ADGRL2: variants seen among roughly 807,000 people sequenced by gnomAD.
ADGRL2 encodes the protein adhesion G protein-coupled receptor L2, also known as calcium-independent alpha-latrotoxin receptor 2.
A neutral mutation model predicts 157.4 loss-of-function variants in ADGRL2; 44 were observed. The ratio of observed to expected loss-of-function variants is 0.28; its 90% CI spans 0.22 to 0.36. ADGRL2 has a LOEUF of 0.36. Among genes scored for constraint, ADGRL2 ranks in the 10% least tolerant of loss-of-function variants. The pLI is 1.00. For missense variants in ADGRL2, 1,510 were observed against 1,768.9 expected, an observed-to-expected ratio of 0.85 and a Z score of 2.63; for synonymous variants, 585 against 624.7, an observed-to-expected ratio of 0.94 and a Z score of 0.95.
chr1:81,594,541 GA>G (rs1342055336), intron 3 of ADGRL2, among the ~76,000 whole-genome samples: 6 of 152,118 alleles, frequency 3.9e-5, no homozygotes, highest in Non-Finnish European at 8.8e-5. Context: ...TTATATTACA[GA>G]ACTTTTCAAC....
At chr1:81,661,819 T>C (rs1243212163) in intron 3 of ADGRL2, among the ~76,000 whole-genome samples, 1 of 152,210 alleles carries the variant, frequency 6.6e-6, no homozygotes, top group Non-Finnish European at 1.5e-5. Context: ...ATTCACCATA[T>C]TCTGGGTGAA....
intron 3 of ADGRL2, 26 bp from the exon 4 acceptor site, chr1:81,936,699 ACAC>A: frequency 8.4e-7 from 1 of 1,191,316 alleles, no homozygotes; most frequent in Admixed American, 1.7e-5. Flanking sequence ...AAATTATGTT[ACAC>A]AAGTTTGATA....
rs181832805 is a variant in ADGRL2, at chr1:81,981,720, A to G, written c.3114-88A>G. ...ATGAATGTGAACATAGAGAAAGTCA[A>G]CTGCTACTACTGATATGTTAACATT... On this transcript the variant is annotated intron_variant, in intron 18 of 23. Coordinates refer to ENST00000686636, the MANE Select transcript of ADGRL2 (RefSeq NM_001366006.2). 2.1e-4 allele frequency: 216 copies of G among 1,027,410 alleles called. 1 individual carries two copies. Among genetic ancestry groups the G allele is most frequent in the Admixed American group, 1.4e-3 (60 of 43,950 alleles). The allele number at this position is 1,027,410 out of a possible 1,614,324, so 63.6% of individuals were successfully genotyped here.
intron 2 of ADGRL2, among the ~76,000 whole-genome samples, chr1:81,891,951 G>A (rs960001354): frequency 2.1e-5 from 3 of 142,784 alleles, no homozygotes; most frequent in African/African-American, 8.0e-5. Context: ...TAATAAGTGT[G>A]GCTAATAAGT....
chr1:81,991,277 A>G lies in ADGRL2; in HGVS notation c.*132A>G. On this transcript the variant is annotated 3_prime_UTR_variant, in exon 24 of 24. Coordinates refer to ENST00000686636, the MANE Select transcript of ADGRL2 (RefSeq NM_001366006.2). ...CCTGTGGTTCTCTGGTGTAAAAAAG[A>G]TGACTGAACCTTGCAGTTCTGTGAA... 2 of 796,752 alleles carry G rather than the reference A, an allele frequency of 2.5e-6. No individual in the cohort carries two copies. Among genetic ancestry groups the G allele is most frequent in the Non-Finnish European group, 3.9e-6 (2 of 508,468 alleles). The allele number at this position is 796,752 out of a possible 1,614,324, so 49.4% of individuals were successfully genotyped here. A position where few individuals can be genotyped will look rare whatever the true frequency, so the allele number is the denominator to read the frequency against.
At position 81,510,661 on chromosome 1, in the gene ADGRL2, C is replaced by T. The variant is rs144380991; in HGVS notation, c.-248+65572C>T. ...ACATAGATTATAGTTACAGTGAAAA[C>T]TGGGAGCTGCTTTTAATCCCCTAGG... On this transcript the variant is annotated intron_variant, in intron 2 of 24. Coordinates refer to the ADGRL2 transcript ENST00000370721. Among the ~76,000 whole-genome samples, 1,240 of 152,196 alleles carry T rather than the reference C, an allele frequency of 8.1e-3. 10 individuals are homozygous for T. Among genetic ancestry groups the T allele is most frequent in the South Asian group, 0.039 (189 of 4,832 alleles).
intron 11 of ADGRL2, among the ~76,000 whole-genome samples, chr1:81,958,938 T>C (rs1274469668): frequency 6.6e-6 from 1 of 152,236 alleles, no homozygotes; most frequent in African/African-American, 2.4e-5. Context: ...GAATATTTTT[T>C]GAAATTTATC....
At position 81,505,586 on chromosome 1, in the gene ADGRL2, G is replaced by A. The variant is rs146102453; in HGVS notation, c.-248+60497G>A. ...TGCCAGCAGGTGCCCCCACGAGTGG[G>A]GCCTTGGCCCAAGCAGAGCTTCCCC... is the stretch of plus-strand genomic sequence containing the variant. On this transcript the variant is annotated intron_variant, in intron 2 of 24. Transcript: ENST00000370721. Among the ~76,000 whole-genome samples, 1,428 of 150,386 alleles carry A rather than the reference G, an allele frequency of 9.5e-3. 12 individuals are homozygous for A. Among genetic ancestry groups the A allele is most frequent in the African/African-American group, 0.022 (903 of 40,324 alleles).
intron 2 of ADGRL2, among the ~76,000 whole-genome samples, chr1:81,542,537 T>G (rs2079909898): frequency 6.6e-6 from 1 of 152,192 alleles, no homozygotes; most frequent in African/African-American, 2.4e-5. Flanking sequence ...AGCACCCACC[T>G]TTCAAACCTG....
At chr1:81,452,514 A>C (rs962569218) in intron 2 of ADGRL2, among the ~76,000 whole-genome samples, 3 of 152,194 alleles carry the variant, frequency 2.0e-5, no homozygotes, top group Non-Finnish European at 2.9e-5. Context: ...ATCATTCAAC[A>C]TATGAAAACC....
chr1:81,884,274 C>G (rs781023203), intron 2 of ADGRL2, among the ~76,000 whole-genome samples: 4 of 152,162 alleles, frequency 2.6e-5, no homozygotes, highest in Non-Finnish European at 5.9e-5. Context: ...CGCGCCCATC[C>G]CAAACTGCCT....
At chr1:81,775,316 T>C (rs1008255477) in intron 2 of ADGRL2, among the ~76,000 whole-genome samples, 1 of 152,166 alleles carries the variant, frequency 6.6e-6, no homozygotes, top group Non-Finnish European at 1.5e-5. Flanking sequence ...GAAAGCATGA[T>C]CCTAGAAAAG....
chr1:81,960,088 C>G (rs1654851724), intron 11 of ADGRL2, among the ~76,000 whole-genome samples: 1 of 152,132 alleles, frequency 6.6e-6, no homozygotes, highest in African/African-American at 2.4e-5. Flanking sequence ...GCATGAACCA[C>G]CATTCCTGGC....
At chr1:81,950,108 A>G (rs1248807246) in intron 6 of ADGRL2, 81 bp from the exon 7 acceptor site, 10 of 1,085,106 alleles carry the variant, frequency 9.2e-6, no homozygotes, top group African/African-American at 7.8e-5. Context: ...GTGTGTGTGC[A>G]TGCACACATT....
chr1:81,714,851 G>GTT (rs35230661), intron 1 of ADGRL2, among the ~76,000 whole-genome samples: 11 of 145,282 alleles, frequency 7.6e-5, no homozygotes, highest in South Asian at 2.2e-4. Context: ...GGCATGTTTT[G>GTT]TTTTTTTTTT....
intron 1 of ADGRL2, chr1:81,427,256 A>G: frequency 1.3e-6 from 1 of 751,864 alleles, no homozygotes; most frequent in Non-Finnish European, 2.4e-6. Flanking sequence ...CAGCGGAAAT[A>G]GTTATGAAGG....
intron 1 of ADGRL2, among the ~76,000 whole-genome samples, chr1:81,387,573 A>T (rs1402420325): frequency 6.6e-6 from 1 of 152,158 alleles, no homozygotes; most frequent in Non-Finnish European, 1.5e-5. Flanking sequence ...ACTGAAGGTC[A>T]CTTGGCCTAT....
intron 3 of ADGRL2, among the ~76,000 whole-genome samples, chr1:81,632,996 C>CA (rs2082043664): frequency 1.3e-5 from 2 of 152,130 alleles, no homozygotes; most frequent in African/African-American, 4.8e-5. Context: ...CTAGCCTTTT[C>CA]AATTGCTAAC....
intron 3 of ADGRL2, chr1:81,581,034 C>A (rs1320755168): frequency 6.6e-6 from 1 of 152,078 alleles, no homozygotes; most frequent in African/African-American, 2.4e-5. Context: ...GAAAAATTTT[C>A]TCAGATTTTT....
Sources: allele counts gnomAD v4.1 joint callset (sites outside exome capture counted in the v4.1 genomes callset), GRCh38; gene constraint gnomAD v4.1.1; transcripts MANE v1.5; gene names NCBI Gene and HGNC (gene_info 2026-07-23, HGNC 2026-07-21).